DNMT3B: variants seen among roughly 807,000 people sequenced by gnomAD.
DNMT3B encodes the protein DNA (cytosine-5)-methyltransferase 3B.
In DNMT3B, 37 loss-of-function variants were observed where a neutral mutation model predicts 120.2. The observed-to-expected ratio is 0.31, with a 90% CI of 0.24 to 0.40. DNMT3B has a LOEUF of 0.40. DNMT3B is among the 10% of genes least tolerant of loss of function. The probability of loss-of-function intolerance (pLI) is 1.00; values close to 1 mark genes in which losing one functional copy is unlikely to be tolerated. For missense variants in DNMT3B, 878 were observed against 1,137.3 expected, an observed-to-expected ratio of 0.77 and a Z score of 3.28; for synonymous variants, 412 against 442.8, an observed-to-expected ratio of 0.93 and a Z score of 0.87.
At chr20:32,766,562 G>A (rs1987379693) in intron 1 of DNMT3B, among the ~76,000 whole-genome samples, 1 of 151,968 alleles carries the variant, frequency 6.6e-6, no homozygotes, top group Admixed American at 6.6e-5. Flanking sequence ...AATAGCATAG[G>A]TATGACCTCT....
At chr20:32,806,073 T>C in intron 21 of DNMT3B, 136 bp from the exon 22 acceptor site, 1 of 828,024 alleles carries the variant, frequency 1.2e-6, no homozygotes, top group South Asian at 1.4e-5. Flanking sequence ...CTTTCCCAGG[T>C]ACTTTTCTCT....
intron 8 of DNMT3B, 80 bp from the exon 9 acceptor site, chr20:32,792,540 AGGCCCT>A (rs1349161848): frequency 1.2e-6 from 2 of 1,607,694 alleles, no homozygotes; most frequent in East Asian, 2.2e-5. Context: ...AGGGGAATGT[AGGCCCT>A]GGCTGGGGGA....
intron 16 of DNMT3B, among the ~76,000 whole-genome samples, 156 bp downstream of exon 16, chr20:32,799,484 C>A (rs146400686): frequency 1.3e-5 from 2 of 152,294 alleles, no homozygotes; most frequent in African/African-American, 4.8e-5. Flanking sequence ...TTTCTCTCCA[C>A]CTTCTCAACC....
At chr20:32,780,595 T>C (rs1481544644) in intron 2 of DNMT3B, 130 bp downstream of exon 2, 1 of 1,419,622 alleles carries the variant, frequency 7.0e-7, no homozygotes, top group Non-Finnish European at 9.5e-7. Flanking sequence ...AAGAGAGCTC[T>C]AGCAAGGAGG....
In DNMT3B at chr20:32,796,833, C is replaced by T. The variant is rs552413219; in HGVS notation, c.1341C>T (p.His447=). 11 of 1,614,212 alleles carry T rather than the reference C, an allele frequency of 6.8e-6. No individual in the cohort carries two copies. In the East Asian group the frequency reaches 8.9e-5, roughly 13 times the overall value. Residue 447 remains histidine (H), a synonymous_variant, in exon 13 of 23, where the codon CAC becomes CAT. Coordinates refer to ENST00000328111, the MANE Select transcript of DNMT3B (RefSeq NM_006892.4). ...GCAGGAAAAACCCCGTGTCCTTCCA[C>T]CCTCTCTTTGAGGGGGGGCTCTGTC... ...SCGRKNPVSF[H]PLFEGGLCQT... is the part of the protein sequence containing the mutation.
At chr20:32,772,107 C>T (rs1488937012) in intron 1 of DNMT3B, among the ~76,000 whole-genome samples, 1 of 152,178 alleles carries the variant, frequency 6.6e-6, no homozygotes, top group Admixed American at 6.5e-5. Context: ...GTAATTTAGT[C>T]AACCAGTCCT....
chr20:32,780,121 A>T, intron 1 of DNMT3B, 197 bp from the exon 2 acceptor site: 2 of 1,613,606 alleles, frequency 1.2e-6, no homozygotes, highest in East Asian at 4.5e-5. Context: ...TCCACATGGA[A>T]CCAAGTCCTG....
intron 4 of DNMT3B, among the ~76,000 whole-genome samples, chr20:32,785,945 G>A (rs376552377): frequency 7.3e-5 from 11 of 151,166 alleles, no homozygotes; most frequent in African/African-American, 1.9e-4. Context: ...GTGCAGTGAC[G>A]TGATCTCAGC....
At chr20:32,798,716 CAGAA>C in intron 15 of DNMT3B, 73 bp downstream of exon 15, 1 of 1,600,622 alleles carries the variant, frequency 6.2e-7, no homozygotes, top group South Asian at 1.1e-5. Context: ...CTGGAATTCT[CAGAA>C]AGAGTAATAG....
rs767639124 is a variant in DNMT3B, at chr20:32,797,223, G to T, written c.1414G>T (p.Asp472Tyr). 2 of 1,614,138 alleles carry T rather than the reference G, an allele frequency of 1.2e-6. No individual in the cohort carries two copies. The highest frequency in any genetic ancestry group is 2.2e-5 in the South Asian group (2 of 91,074). Reference sequence around the variant, plus strand: ...TGAGCTGTTTTACATGTATGATGACGATGGCTATCAGTCTTACTGCACTGT... The same window carrying T: ...TGAGCTGTTTTACATGTATGATGACTATGGCTATCAGTCTTACTGCACTGT... ...FLELFYMYDD[D>Y]GYQSYCTVCC... The change falls in exon 14 of 23, where the codon GAT (aspartate) becomes TAT (tyrosine). Residue 472 changes from aspartate to tyrosine, a missense_variant. Asp to Tyr is a radical substitution (Grantham distance 160, BLOSUM62 -3). Around this residue, in one of 4 missense-constraint regions of DNMT3B, gnomAD observed 334 missense variants for 518.8 expected, o/e 0.64. Coordinates refer to ENST00000328111, the MANE Select transcript of DNMT3B (RefSeq NM_006892.4).
chr20:32,787,924 C>T (rs915523786), intron 6 of DNMT3B, among the ~76,000 whole-genome samples: 4 of 150,516 alleles, frequency 2.7e-5, no homozygotes, highest in South Asian at 2.1e-4. Context: ...TGTTCTCTGG[C>T]GGGCAGGAGT....
intron 1 of DNMT3B, among the ~76,000 whole-genome samples, chr20:32,765,885 AGCTGGGACTACAG>A (rs1445267869): frequency 6.7e-6 from 1 of 149,762 alleles, no homozygotes; most frequent in African/African-American, 2.5e-5. Flanking sequence ...CCTCCCAAGT[AGCTGGGACTACAG>A]GCGCCGGCCA....
At chr20:32,802,959 G>T (rs1197187117) in intron 20 of DNMT3B, among the ~76,000 whole-genome samples, 1 of 152,206 alleles carries the variant, frequency 6.6e-6, no homozygotes, top group East Asian at 1.9e-4. Context: ...CCTCCCCGTT[G>T]ATGTAGTGAC....
At chr20:32,803,936 C>T (rs746415952) in intron 20 of DNMT3B, among the ~76,000 whole-genome samples, 3 of 151,954 alleles carry the variant, frequency 2.0e-5, no homozygotes, top group Non-Finnish European at 4.4e-5. Flanking sequence ...AGGATGGAGG[C>T]GGGAATGGGG....
chr20:32,765,228 A>C (rs899818977), intron 1 of DNMT3B, among the ~76,000 whole-genome samples: 4 of 151,990 alleles, frequency 2.6e-5, no homozygotes, highest in Non-Finnish European at 4.4e-5. Flanking sequence ...TTCACGGAGG[A>C]CCAGGGCTGG....
At chr20:32,787,937 G>A (rs1180276259) in intron 6 of DNMT3B, among the ~76,000 whole-genome samples, 1 of 152,106 alleles carries the variant, frequency 6.6e-6, no homozygotes, top group Non-Finnish European at 1.5e-5. Context: ...GCAGGAGTGG[G>A]GGTCTCAAGG....
chr20:32,763,654 A>G (rs1163700484), intron 1 of DNMT3B, among the ~76,000 whole-genome samples: 1 of 152,188 alleles, frequency 6.6e-6, no homozygotes, highest in Non-Finnish European at 1.5e-5. Context: ...AGAAAGACCT[A>G]ACAAGTTGTA....
intron 20 of DNMT3B, among the ~76,000 whole-genome samples, chr20:32,804,780 C>T (rs944522961): frequency 6.7e-6 from 1 of 148,246 alleles, no homozygotes; most frequent in Admixed American, 6.8e-5. Flanking sequence ...TAGCCTCCAA[C>T]TCCTAGGCTT....
At chr20:32,763,793 G>A (rs1433888059) in intron 1 of DNMT3B, among the ~76,000 whole-genome samples, 4 of 152,340 alleles carry the variant, frequency 2.6e-5, no homozygotes, top group Middle Eastern at 3.4e-3. Context: ...CTAGGAGAGA[G>A]GCTCGCTGGG....
Sources: allele counts gnomAD v4.1 joint callset (sites outside exome capture counted in the v4.1 genomes callset), GRCh38; gene constraint gnomAD v4.1.1; regional missense constraint gnomAD v4.1.1; transcripts MANE v1.5; gene names NCBI Gene and HGNC (gene_info 2026-07-23, HGNC 2026-07-21).